The following SCGB1C1 variants were observed in gnomAD, a reference collection of about 807,000 sequenced individuals.
The protein encoded by SCGB1C1 is secretoglobin family 1C member 1, also known as ligand binding protein RYD5.
SCGB1C1 carries 2 observed loss-of-function variants against 8.9 expected under a neutral mutation model. The observed-to-expected ratio is 0.23, with a 90% confidence interval of 0.09 to 0.71. SCGB1C1 has a LOEUF of 0.71. Among genes scored for constraint, SCGB1C1 ranks in the 30% least tolerant of loss-of-function variants. SCGB1C1 has a pLI of 0.78. For synonymous variants in SCGB1C1, 6 were observed against 45.8 expected, an observed-to-expected ratio of 0.13 and a Z score of 3.51; for missense variants, 25 against 112.7, an observed-to-expected ratio of 0.22 and a Z score of 3.52.
chr11:191,810 A>AC (rs1460790391), upstream of SCGB1C1, among the ~76,000 whole-genome samples: 20 of 104,962 alleles, frequency 1.9e-4, no homozygotes, highest in African/African-American at 7.4e-4. Context: ...CCTAACCCTA[A>AC]CCCTAACCCC....
chr11:191,843 CCCTAACCCTAACCCCTAACCCCTAA>C (rs1854814488), upstream of SCGB1C1, among the ~76,000 whole-genome samples: 2 of 42,774 alleles, frequency 4.7e-5, no homozygotes, highest in Non-Finnish European at 7.1e-5. Flanking sequence ...CTAACCCTAA[CCCTAACCCTAACCCCTAACCCCTAA>C]CCCTAACCCT....
chr11:193,856 A>C lies in SCGB1C1; in HGVS notation c.200A>C (p.Lys67Thr). The C allele has an allele frequency of 6.7e-7, 1 of 1,482,784 alleles. No individual in the cohort carries two copies. The highest frequency in any genetic ancestry group is 9.2e-7 in the Non-Finnish European group (1 of 1,081,968). The allele number at this position is 1,482,784 out of a possible 1,614,324, so 91.9% of individuals were successfully genotyped here. ...GCCAAGGCAGCAATGACTGAACTCA[A>C]GTCCTGTATAGATGGCCTGCAGCCA... Reference protein sequence around the residue: ...EDAKAAMTELKSCIDGLQPMH... With the variant: ...EDAKAAMTELTSCIDGLQPMH... Residue 67 changes from lysine (K) to threonine (T), a missense_variant, in exon 2 of 3, where the codon AAG becomes ACG. Transcript: ENST00000342878.
At chr11:188,150 G>A (rs1318334350), upstream of SCGB1C1, among the ~76,000 whole-genome samples, 2 of 152,244 alleles carry the variant, frequency 1.3e-5, no homozygotes, top group African/African-American at 4.8e-5. Context: ...CCTCACTTCT[G>A]TTTTCTGTAT....
chr11:194,366 C>G, intron 2 of SCGB1C1, 52 bp from the exon 3 acceptor site: 1 of 1,002,722 alleles, frequency 1.0e-6, no homozygotes, highest in Non-Finnish European at 1.6e-6. Flanking sequence ...GGAGCTGTGG[C>G]TCTCCACTTA....
chr11:193,194 T>TG (rs768061697), intron 1 of SCGB1C1, 40 bp downstream of exon 1: 26 of 257,692 alleles, frequency 1.0e-4, no homozygotes, highest in Admixed American at 1.7e-4. Flanking sequence ...CATTCAGGGG[T>TG]GGGGGGGAGT....
upstream of SCGB1C1, among the ~76,000 whole-genome samples, chr11:192,013 T>A (rs1357986388): frequency 1.3e-5 from 2 of 152,250 alleles, no homozygotes; most frequent in Admixed American, 6.5e-5. Context: ...TCCCTAGCCT[T>A]AGTGCCATCC....
upstream of SCGB1C1, among the ~76,000 whole-genome samples, chr11:189,700 C>T (rs1256204823): frequency 2.0e-5 from 3 of 152,240 alleles, no homozygotes; most frequent in African/African-American, 7.2e-5. Context: ...CGGGCTCGGG[C>T]GCCCCCTGCT....
At chr11:192,814 C>T (rs1158801769), upstream of SCGB1C1, among the ~76,000 whole-genome samples, 4 of 146,478 alleles carry the variant, frequency 2.7e-5, no homozygotes, top group Non-Finnish European at 6.0e-5. Context: ...GGACCCACTG[C>T]CTTCTTCACC....
At chr11:189,332 G>A (rs544614024), upstream of SCGB1C1, among the ~76,000 whole-genome samples, 6 of 152,292 alleles carry the variant, frequency 3.9e-5, no homozygotes, top group East Asian at 1.2e-3. Context: ...CTCTACCCTG[G>A]CCACCTTGGA....
upstream of SCGB1C1, among the ~76,000 whole-genome samples, chr11:192,299 C>G (rs1482767121): frequency 1.3e-5 from 2 of 151,956 alleles, no homozygotes; most frequent in Non-Finnish European, 2.9e-5. Flanking sequence ...GTGTCCCAAC[C>G]TCCTGTGTCC....
upstream of SCGB1C1, among the ~76,000 whole-genome samples, chr11:192,732 G>C (rs1355990962): frequency 6.6e-6 from 1 of 150,794 alleles, no homozygotes; most frequent in Non-Finnish European, 1.5e-5. Flanking sequence ...TAAAAGAAAG[G>C]CGTGGGACCA....
upstream of SCGB1C1, among the ~76,000 whole-genome samples, chr11:189,459 C>A (rs1385457681): frequency 9.4e-6 from 1 of 106,396 alleles, no homozygotes; most frequent in African/African-American, 5.5e-5. Flanking sequence ...AGAGGCGCGG[C>A]GCGCGGGCGC....
chr11:189,411 T>C (rs1359424459), upstream of SCGB1C1, among the ~76,000 whole-genome samples: 2 of 151,644 alleles, frequency 1.3e-5, no homozygotes, highest in Non-Finnish European at 2.9e-5. Flanking sequence ...ATAAGCTTTC[T>C]AAATTGACAG....
upstream of SCGB1C1, among the ~76,000 whole-genome samples, chr11:189,991 T>TGGCAGCA (rs1854763698): frequency 6.6e-6 from 1 of 152,154 alleles, no homozygotes; most frequent in African/African-American, 2.4e-5. Flanking sequence ...TGCAGTGTAG[T>TGGCAGCA]CGGGGCACGC....
In SCGB1C1 at chr11:193,859, C is replaced by A; in HGVS notation, c.203C>A (p.Ser68Tyr). ...AAGGCAGCAATGACTGAACTCAAGTCCTGTATAGATGGCCTGCAGCCAATG... is the reference window on the plus strand; with the variant it reads ...AAGGCAGCAATGACTGAACTCAAGTACTGTATAGATGGCCTGCAGCCAATG... ...DAKAAMTELK[S>Y]CIDGLQPMHK... Residue 68 changes from serine to tyrosine, a missense_variant, in exon 2 of 3, where the codon TCC (serine) becomes TAC (tyrosine). By Grantham distance (144) the Ser-to-Tyr change is moderately radical. Coordinates refer to ENST00000342878, the MANE Select transcript of SCGB1C1 (RefSeq NM_145651.3). The A allele has an allele frequency of 1.4e-6, 2 of 1,480,564 alleles. No homozygotes were observed. Among genetic ancestry groups the A allele is most frequent in the South Asian group, 1.2e-5 (1 of 81,126 alleles). The allele number at this position is 1,480,564 out of a possible 1,614,324, so 91.7% of individuals were successfully genotyped here.
upstream of SCGB1C1, among the ~76,000 whole-genome samples, chr11:191,874 A>AC (rs376708463): frequency 2.7e-4 from 6 of 21,890 alleles, no homozygotes; most frequent in South Asian, 2.0e-3. Context: ...CCTAACCCTA[A>AC]CCCTAACCCT....
rs563818414 is a variant in SCGB1C1 at position 193,736 on chromosome 11, A to T, written c.80A>T (p.Asp27Val). The change falls in exon 2 of 3, where the codon GAT becomes GTT. Residue 27 changes from aspartate to valine, a missense_variant. By Grantham distance (152) the Asp-to-Val change is radical. Transcript: ENST00000342878. Reference sequence around the variant, plus strand: ...GGGATGGCCACAGGGGAGGACAACGATGAGTTTTTCATGGACTTCCTGCAA... The same window carrying T: ...GGGATGGCCACAGGGGAGGACAACGTTGAGTTTTTCATGGACTTCCTGCAA... ...ICRMATGEDNDEFFMDFLQTL... is the reference protein window; with the variant it reads ...ICRMATGEDNVEFFMDFLQTL... 6.2e-7 allele frequency: 1 copy of T among 1,613,816 alleles called. No individual in the cohort carries two copies. Among genetic ancestry groups the T allele is most frequent in the African/African-American group, 1.3e-5 (1 of 75,036 alleles).
intron 1 of SCGB1C1, among the ~76,000 whole-genome samples, chr11:193,385 C>T (rs1854850521): frequency 6.6e-6 from 1 of 151,288 alleles, no homozygotes; most frequent in Non-Finnish European, 1.5e-5. Flanking sequence ...CAGCCCAGTC[C>T]AGCCTGACCT....
At chr11:191,810 A>T (rs1241248387), upstream of SCGB1C1, among the ~76,000 whole-genome samples, 3 of 104,894 alleles carry the variant, frequency 2.9e-5, no homozygotes, top group Non-Finnish European at 4.2e-5. Flanking sequence ...CCTAACCCTA[A>T]CCCTAACCCC....
Sources: allele counts gnomAD v4.1 joint callset (sites outside exome capture counted in the v4.1 genomes callset), GRCh38; gene constraint gnomAD v4.1.1; transcripts MANE v1.5; gene names NCBI Gene and HGNC (gene_info 2026-07-23, HGNC 2026-07-21).